SGMS1: variants seen among roughly 807,000 people sequenced by gnomAD.
The protein encoded by SGMS1 is phosphatidylcholine:ceramide cholinephosphotransferase 1.
SGMS1 carries 13 observed loss-of-function variants against 46.2 expected under a neutral mutation model. The ratio of observed to expected loss-of-function variants is 0.28; its 90% CI spans 0.18 to 0.45. The LOEUF (loss-of-function observed/expected upper bound fraction) is 0.45. Among genes scored for constraint, SGMS1 ranks in the 20% least tolerant of loss-of-function variants. The pLI is 1.00. For synonymous variants in SGMS1, 203 were observed against 187.8 expected (o/e 1.08, Z -0.66); for missense variants, 324 against 519.9 (o/e 0.62, Z 3.66).
At chr10:50,418,823 C>T (rs1849216981) in intron 6 of SGMS1, among the ~76,000 whole-genome samples, 1 of 152,156 alleles carries the variant, frequency 6.6e-6, no homozygotes, top group South Asian at 2.1e-4. Context: ...TAATTATCAT[C>T]AATGAGGGGG....
chr10:50,381,103 A>T (rs1327656546), intron 6 of SGMS1, among the ~76,000 whole-genome samples: 1 of 151,848 alleles, frequency 6.6e-6, no homozygotes, highest in Non-Finnish European at 1.5e-5. Flanking sequence ...TGCTGAGATT[A>T]CAAGTGTGAG....
chr10:50,553,635 A>G (rs1057072123), intron 2 of SGMS1, among the ~76,000 whole-genome samples: 1 of 152,208 alleles, frequency 6.6e-6, no homozygotes, highest in Non-Finnish European at 1.5e-5. Flanking sequence ...GGCAGGTGGA[A>G]AAGTTCATGC....
At chr10:50,499,530 A>G (rs942115996) in intron 3 of SGMS1, among the ~76,000 whole-genome samples, 1 of 152,148 alleles carries the variant, frequency 6.6e-6, no homozygotes, top group African/African-American at 2.4e-5. Flanking sequence ...TCATATATAT[A>G]CTCACCAAAC....
At chr10:50,354,879 A>T (rs1176883335) in intron 6 of SGMS1, among the ~76,000 whole-genome samples, 3 of 152,210 alleles carry the variant, frequency 2.0e-5, no homozygotes, top group Non-Finnish European at 4.4e-5. Context: ...ATGCAAATCA[A>T]AACCACAATG....
chr10:50,437,143 CTA>C (rs1160482415), intron 5 of SGMS1, among the ~76,000 whole-genome samples: 1 of 152,222 alleles, frequency 6.6e-6, no homozygotes, highest in African/African-American at 2.4e-5. Flanking sequence ...AAAATGTACA[CTA>C]TCCTCATACT....
intron 2 of SGMS1, among the ~76,000 whole-genome samples, chr10:50,521,911 C>T (rs1001000674): frequency 1.3e-5 from 2 of 152,142 alleles, no homozygotes; most frequent in Non-Finnish European, 2.9e-5. Context: ...ACTACTTTTT[C>T]CCTTGCAGCT....
intron 3 of SGMS1, among the ~76,000 whole-genome samples, chr10:50,469,792 C>A (rs754284923): frequency 1.3e-5 from 2 of 152,084 alleles, no homozygotes; most frequent in Non-Finnish European, 1.5e-5. Flanking sequence ...GGAAAACACA[C>A]TGGAGTAAGA....
At chr10:50,326,491 CAAG>C (rs891981907) in intron 8 of SGMS1, among the ~76,000 whole-genome samples, 16 of 152,142 alleles carry the variant, frequency 1.1e-4, no homozygotes, top group African/African-American at 3.9e-4. Flanking sequence ...CACCAAAAAT[CAAG>C]GAGAGAAATT....
intron 2 of SGMS1, among the ~76,000 whole-genome samples, chr10:50,520,544 T>C (rs1239157991): frequency 6.6e-6 from 1 of 152,162 alleles, no homozygotes; most frequent in African/African-American, 2.4e-5. Context: ...TTCCCAAAGG[T>C]TGGGGAACTT....
Position 50,397,622 on chromosome 10 carries a change from A to C in SGMS1, c.-232+35854T>G, listed in dbSNP as rs370738024. 5.3e-5 allele frequency among the ~76,000 whole-genome samples: 8 copies of C among 152,296 alleles called. 1 individual carries two copies. The highest frequency in any genetic ancestry group is 1.7e-4 in the African/African-American group (7 of 41,568). On this transcript the variant is annotated intron_variant, in intron 6 of 10. Coordinates refer to ENST00000361781, the MANE Select transcript of SGMS1 (RefSeq NM_147156.4). ...CTCTTTGCCTCTGTGCATCTGAGTT[A>C]TCTCTTCTGGATAAGCATCAGTTGC...
intron 6 of SGMS1, among the ~76,000 whole-genome samples, chr10:50,395,397 C>T (rs991210572): frequency 6.6e-6 from 1 of 152,160 alleles, no homozygotes; most frequent in African/African-American, 2.4e-5. Context: ...CTCAGACATA[C>T]TGATGCATGT....
intron 7 of SGMS1, chr10:50,335,262 C>T (rs527952335): frequency 6.6e-6 from 1 of 152,322 alleles, no homozygotes; most frequent in South Asian, 2.1e-4. Flanking sequence ...CACTACACTC[C>T]ACCCTGGAGG....
At position 50,315,904 on chromosome 10, in the gene SGMS1, C is replaced by T. The variant is rs556286270; in HGVS notation, c.742-4489G>A. On this transcript the variant is annotated intron_variant, in intron 8 of 10. Transcript: ENST00000361781. Reference sequence around the variant, plus strand: ...CTACCAAGAAATTAGGTAAATTGGCCAAATCACTTACACAATACCAAAGCA... The same window carrying T: ...CTACCAAGAAATTAGGTAAATTGGCTAAATCACTTACACAATACCAAAGCA... Among the ~76,000 whole-genome samples the T allele has an allele frequency of 2.0e-5, 3 of 152,144 alleles. No individual in the cohort carries two copies. In the South Asian group the frequency reaches 6.2e-4, roughly 32 times the overall value.
chr10:50,328,117 T>C, intron 7 of SGMS1: 1 of 379,570 alleles, frequency 2.6e-6, no homozygotes, highest in South Asian at 2.0e-5. Flanking sequence ...TGTAGGTTTG[T>C]ATCTATCTAT....
chr10:50,321,565 A>G (rs944249568), intron 8 of SGMS1, among the ~76,000 whole-genome samples: 3 of 152,222 alleles, frequency 2.0e-5, no homozygotes, highest in African/African-American at 7.2e-5. Context: ...AGAATTGAGA[A>G]CAAACGAAAA....
chr10:50,546,600 T>C (rs2133825956), intron 2 of SGMS1, among the ~76,000 whole-genome samples: 1 of 152,254 alleles, frequency 6.6e-6, no homozygotes, highest in South Asian at 2.1e-4. Flanking sequence ...GAAACCATCA[T>C]TCTCAGCAAA....
chr10:50,343,787 C>T lies in SGMS1; in HGVS notation c.328G>A (p.Gly110Arg). Residue 110 changes from glycine (G) to arginine (R), a missense_variant, in exon 7 of 11, where the codon GGG becomes AGG. By Grantham distance (125) the Gly-to-Arg change is moderately radical (BLOSUM62 -2). Around this residue, in one of 2 missense-constraint regions of SGMS1, gnomAD observed 150 missense variants for 169.8 expected, o/e 0.88. Transcript: ENST00000361781. Reference sequence around the variant, plus strand: ...ATCTTTATCATCTCTTTCCTATACCCATTTGGCATCCCGTTGGGTTTAATC... The same window carrying T: ...ATCTTTATCATCTCTTTCCTATACCTATTTGGCATCCCGTTGGGTTTAATC... ...IKIKPNGMPN[G>R]YRKEMIKIPM... The T allele has an allele frequency of 6.2e-7, 1 of 1,614,154 alleles. No homozygotes were observed. The highest frequency in any genetic ancestry group is 8.5e-7 in the Non-Finnish European group (1 of 1,180,030).
chr10:50,453,412 A>AAAAAT (rs1362182162), intron 5 of SGMS1, among the ~76,000 whole-genome samples: 33 of 151,754 alleles, frequency 2.2e-4, no homozygotes, highest in East Asian at 3.9e-4. Flanking sequence ...CTGTAGGATA[A>AAAAAT]AAAATAAAAT....
intron 3 of SGMS1, among the ~76,000 whole-genome samples, chr10:50,502,920 A>C (rs1342672970): frequency 6.6e-6 from 1 of 152,200 alleles, no homozygotes; most frequent in Non-Finnish European, 1.5e-5. Flanking sequence ...ATGCAAACAG[A>C]AAGAAAGATA....
Sources: gnomAD v4.1 joint callset for allele counts (sites outside exome capture counted in the v4.1 genomes callset) on GRCh38, gnomAD v4.1.1 for gene constraint, gnomAD v4.1.1 regional missense constraint, MANE v1.5 for transcripts, NCBI Gene and HGNC (gene_info 2026-07-23, HGNC 2026-07-21) for gene names.